The following PCDH11X variants were observed in gnomAD, a reference collection of about 807,000 sequenced individuals.
PCDH11X encodes the protein protocadherin-11 X-linked.
PCDH11X carries 18 observed loss-of-function variants against 53.3 expected under a neutral mutation model. That is an observed-to-expected ratio of 0.34 (90% CI 0.23 to 0.50). The LOEUF (loss-of-function observed/expected upper bound fraction) is 0.50. PCDH11X is among the 20% of genes least tolerant of loss of function. The pLI is 0.98. For synonymous variants in PCDH11X, 279 were observed against 393.3 expected, an observed-to-expected ratio of 0.71 and a Z score of 3.44; for missense variants, 570 against 1,032.4, an observed-to-expected ratio of 0.55 and a Z score of 6.14.
chrX:92,226,109 G>C (rs1360152936), intron 7 of PCDH11X, among the ~76,000 whole-genome samples: 3 of 111,611 alleles, frequency 2.7e-5, no homozygotes, highest in Non-Finnish European at 5.6e-5. Flanking sequence ...AAGGGGAGGG[G>C]ATGATCCCTT....
At chrX:92,449,538 C>G (rs1025997752) in intron 9 of PCDH11X, among the ~76,000 whole-genome samples, 1 of 111,314 alleles carries the variant, frequency 9.0e-6, no homozygotes, top group African/African-American at 3.3e-5. Flanking sequence ...ACAAATACCC[C>G]ATTTTAAAGA....
rs754300053 is a variant in PCDH11X at position 92,535,999 on chromosome X, G to A, written c.3367+67677G>A. Among the ~76,000 whole-genome samples the A allele has an allele frequency of 1.7e-4, 18 of 106,717 alleles. No homozygotes were observed. In the East Asian group the frequency reaches 2.4e-3, roughly 14 times the overall value. The allele number at this position is 106,717 out of a possible 115,157, so 92.7% of individuals were successfully genotyped here. On this transcript the variant is annotated intron_variant, in intron 10 of 10. Transcript: ENST00000682573. ...TTTGTTTTACGGGGTTTGATACGCC[G>A]TCTCCCTCATAAGTTTGTGTTCCTC...
chrX:92,150,003 G>A (rs993372385), intron 6 of PCDH11X, among the ~76,000 whole-genome samples: 1 of 111,771 alleles, frequency 8.9e-6, no homozygotes, highest in Non-Finnish European at 1.9e-5. Flanking sequence ...TTCATCCATT[G>A]ATAGGCATTT....
At chrX:92,576,007 TATATAC>T (rs1274437405) in intron 10 of PCDH11X, among the ~76,000 whole-genome samples, 6 of 34,842 alleles carry the variant, frequency 1.7e-4, no homozygotes, top group East Asian at 4.5e-4. Context: ...TATATATATA[TATATAC>T]ACACACACAC....
chrX:92,354,661 A>G (rs1367367178), intron 8 of PCDH11X, among the ~76,000 whole-genome samples: 1 of 111,695 alleles, frequency 9.0e-6, no homozygotes, highest in African/African-American at 3.3e-5. Flanking sequence ...TGTACTCCAA[A>G]TATTACTATA....
chrX:92,487,694 A>T (rs2073674820), intron 10 of PCDH11X, among the ~76,000 whole-genome samples: 2 of 111,301 alleles, frequency 1.8e-5, no homozygotes, highest in Admixed American at 9.6e-5. Flanking sequence ...ATAAATAGAT[A>T]ATTTTAACAT....
At chrX:92,521,796 A>C (rs7887714) in intron 10 of PCDH11X, among the ~76,000 whole-genome samples, 12,586 of 108,032 alleles carry the variant, frequency 0.12, 614 homozygotes, top group Admixed American at 0.23. Flanking sequence ...CAGTTTCTTC[A>C]TCAGCACTTG....
At chrX:92,230,610 T>C (rs1302582183) in intron 7 of PCDH11X, among the ~76,000 whole-genome samples, 4 of 96,667 alleles carry the variant, frequency 4.1e-5, no homozygotes, top group Non-Finnish European at 8.1e-5. Flanking sequence ...ATATAATATA[T>C]ACATATATAT....
intron 8 of PCDH11X, among the ~76,000 whole-genome samples, chrX:92,319,761 G>A (rs934821110): frequency 1.3e-4 from 15 of 111,548 alleles, no homozygotes; most frequent in African/African-American, 2.3e-4. Context: ...GTGCTTACAC[G>A]TGGCCTGGCA....
Position 92,210,660 on chromosome X carries a change from TGAA to T in PCDH11X, c.3114+9206_3114+9208del, listed in dbSNP as rs2066568431. On this transcript the variant is annotated intron_variant, in intron 7 of 10. Coordinates refer to ENST00000682573, the MANE Select transcript of PCDH11X (RefSeq NM_032968.5). ...CAGGTCATTTCTTTGTTTATGCAAG[TGAA>T]TATAGGCTCTTAGAAGCAGCCTGGT... is the stretch of plus-strand genomic sequence containing the variant. Among the ~76,000 whole-genome samples the T allele has an allele frequency of 3.6e-5, 4 of 112,028 alleles. No homozygotes were observed. The Admixed American group carries it at 3.8e-4, about 11-fold the overall frequency.
At chrX:91,913,180 TG>T (rs918689571) in intron 6 of PCDH11X, among the ~76,000 whole-genome samples, 3 of 110,936 alleles carry the variant, frequency 2.7e-5, no homozygotes, top group African/African-American at 9.9e-5. Context: ...GTAGTGGTTT[TG>T]GCTGGGCACA....
chrX:92,527,849 A>G (rs1192248595), intron 10 of PCDH11X, among the ~76,000 whole-genome samples: 1 of 111,917 alleles, frequency 8.9e-6, no homozygotes, highest in Non-Finnish European at 1.9e-5. Context: ...TGACCCCAGA[A>G]CTAAGTTTCT....
chrX:92,493,472 CT>C (rs34361635), intron 10 of PCDH11X, among the ~76,000 whole-genome samples: 21 of 103,568 alleles, frequency 2.0e-4, no homozygotes, highest in South Asian at 4.5e-4. Context: ...GTTCATACAT[CT>C]TTTTTTTTTG....
intron 6 of PCDH11X, among the ~76,000 whole-genome samples, chrX:92,108,666 T>C (rs2064437195): frequency 8.9e-6 from 1 of 111,822 alleles, no homozygotes; most frequent in Non-Finnish European, 1.9e-5. Flanking sequence ...ACTTTTTAAA[T>C]AGAATTCCAA....
At chrX:91,830,018 C>T (rs1380647677) in intron 4 of PCDH11X, among the ~76,000 whole-genome samples, 2 of 110,732 alleles carry the variant, frequency 1.8e-5, no homozygotes, top group East Asian at 2.8e-4. Context: ...GATAGACAAA[C>T]GTTATATTTT....
At chrX:91,818,516 G>T (rs1363630563) in intron 4 of PCDH11X, among the ~76,000 whole-genome samples, 1 of 106,440 alleles carries the variant, frequency 9.4e-6, no homozygotes, top group African/African-American at 3.6e-5. Context: ...TGGCTAATAT[G>T]GTGAAACCCC....
At chrX:92,014,884 G>T (rs1198220716) in intron 6 of PCDH11X, among the ~76,000 whole-genome samples, 2 of 110,574 alleles carry the variant, frequency 1.8e-5, no homozygotes, top group African/African-American at 3.3e-5. Flanking sequence ...AGGGCCTGTT[G>T]TGGGGTGGGG....
At chrX:92,285,604 A>T (rs1451027942) in intron 8 of PCDH11X, among the ~76,000 whole-genome samples, 2 of 111,257 alleles carry the variant, frequency 1.8e-5, no homozygotes, top group Non-Finnish European at 3.8e-5. Flanking sequence ...GTAATAACAT[A>T]TGTGCTTTAG....
chrX:92,481,180 G>C (rs2148673471), intron 10 of PCDH11X, among the ~76,000 whole-genome samples: 1 of 110,559 alleles, frequency 9.0e-6, no homozygotes, highest in East Asian at 2.9e-4. Context: ...GTAAAGGTGG[G>C]GCTGCTGGGC....
Sources: gnomAD v4.1 joint callset for allele counts (sites outside exome capture counted in the v4.1 genomes callset) on GRCh38, gnomAD v4.1.1 for gene constraint, MANE v1.5 for transcripts, NCBI Gene and HGNC (gene_info 2026-07-23, HGNC 2026-07-21) for gene names.